The following GNG12 variants were observed in gnomAD, a reference collection of about 807,000 sequenced individuals.
GNG12 encodes the protein guanine nucleotide-binding protein G(I)/G(S)/G(O) subunit gamma-12.
For synonymous variants in GNG12, 28 were observed against 29.7 expected (o/e 0.94, Z 0.19); for missense variants, 69 against 83.8 (o/e 0.82, Z 0.69).
chr1:67,821,032 T>A (rs1049916113), intron 1 of GNG12, among the ~76,000 whole-genome samples: 3 of 152,224 alleles, frequency 2.0e-5, no homozygotes, highest in African/African-American at 7.2e-5. Context: ...GTAGCTGTTT[T>A]ATTCCTAAGC....
intron 1 of GNG12, among the ~76,000 whole-genome samples, chr1:67,812,209 G>A (rs1646930021): frequency 6.6e-6 from 1 of 152,172 alleles, no homozygotes; most frequent in East Asian, 1.9e-4. Context: ...CTCTGGCAAT[G>A]AGGATCTGCT....
chr1:67,781,659 C>T (rs983282700), intron 1 of GNG12, among the ~76,000 whole-genome samples: 2 of 151,950 alleles, frequency 1.3e-5, no homozygotes, highest in African/African-American at 2.4e-5. Context: ...AAATGGTGAC[C>T]AAGTATGAGG....
At chr1:67,810,189 TCTGA>T (rs371917629) in intron 1 of GNG12, among the ~76,000 whole-genome samples, 15 of 152,346 alleles carry the variant, frequency 9.8e-5, no homozygotes, top group African/African-American at 3.6e-4. Context: ...ACTATATGAT[TCTGA>T]CTATTTGACA....
At chr1:67,717,132 A>G (rs1379065929) in intron 2 of GNG12, among the ~76,000 whole-genome samples, 1 of 152,154 alleles carries the variant, frequency 6.6e-6, no homozygotes, top group Non-Finnish European at 1.5e-5. Flanking sequence ...AGGTCCTCTG[A>G]AGAAATGGCT....
intron 1 of GNG12, among the ~76,000 whole-genome samples, chr1:67,802,840 C>T (rs140785536): frequency 6.6e-6 from 1 of 152,304 alleles, no homozygotes; most frequent in African/African-American, 2.4e-5. Flanking sequence ...TCTCTCTCTC[C>T]CTACACATGA....
rs146888036 is a variant in GNG12 at position 67,731,604 on chromosome 1, C to T, written c.-26-23892G>A. ...AGGAAAGGGCAGGCAGTTTGGTTCACCCGAAGCAGAGGCACCATGAAGATC... is the reference window on the plus strand; with the variant it reads ...AGGAAAGGGCAGGCAGTTTGGTTCATCCGAAGCAGAGGCACCATGAAGATC... On this transcript the variant is annotated intron_variant, in intron 2 of 3. Coordinates refer to ENST00000370982, the MANE Select transcript of GNG12 (RefSeq NM_018841.6). Among the ~76,000 whole-genome samples the T allele has an allele frequency of 3.3e-4, 50 of 152,290 alleles. No homozygotes were observed. The East Asian group carries it at 7.3e-3, about 22-fold the overall frequency.
chr1:67,729,466 C>T (rs754918865), intron 2 of GNG12, among the ~76,000 whole-genome samples: 4 of 152,162 alleles, frequency 2.6e-5, no homozygotes, highest in Non-Finnish European at 5.9e-5. Context: ...CTGAGACCAC[C>T]ACCTTTGCCC....
chr1:67,813,271 A>G (rs774498547), intron 1 of GNG12, among the ~76,000 whole-genome samples: 10 of 152,190 alleles, frequency 6.6e-5, no homozygotes, highest in Non-Finnish European at 1.0e-4. Flanking sequence ...TTCTCTAAAT[A>G]TTTACCAGGA....
At position 67,739,486 on chromosome 1, in the gene GNG12, C is replaced by T. The variant is rs187852520; in HGVS notation, c.-26-31774G>A. On this transcript the variant is annotated intron_variant, in intron 2 of 3. Transcript: ENST00000370982. ...AGACAGAAGACAGAGGGCAGGCTGA[C>T]ATCACACAACTGATGAAAAGTATTG... Among the ~76,000 whole-genome samples, 181 of 152,320 alleles carry T rather than the reference C, an allele frequency of 1.2e-3. 1 individual carries two copies. The highest frequency in any genetic ancestry group is 4.2e-3 in the African/African-American group (175 of 41,578).
chr1:67,801,672 GA>G, intron 1 of GNG12, among the ~76,000 whole-genome samples: 2 of 152,282 alleles, frequency 1.3e-5, no homozygotes, highest in East Asian at 3.9e-4. Context: ...CATTCTCAGT[GA>G]AAAAGCCTAA....
intron 2 of GNG12, among the ~76,000 whole-genome samples, chr1:67,724,460 G>A (rs1054785222): frequency 2.6e-5 from 4 of 152,184 alleles, no homozygotes; most frequent in African/African-American, 9.7e-5. Context: ...CGTGATCTTG[G>A]CTCACTGCAA....
In GNG12 at chr1:67,702,286, C is replaced by G. The variant is rs1426177736; in HGVS notation, c.*3165G>C. 6.6e-6 allele frequency: 1 copy of G among 152,134 alleles called. No homozygotes were observed. Among genetic ancestry groups the G allele is most frequent in the Admixed American group, 6.5e-5 (1 of 15,272 alleles). 9.4% of individuals were successfully genotyped at this position (152,134 alleles called of 1,614,324 possible). A position where few individuals can be genotyped will look rare whatever the true frequency, so the allele number is the denominator to read the frequency against. On this transcript the variant is annotated 3_prime_UTR_variant, in exon 4 of 4. Transcript: ENST00000370982. ...ACTGAGAAATGACTGGCATGTACTA[C>G]GATCATTTTGGGGGCCTATATAGAT...
At chr1:67,707,310 C>CA (rs1394798403) in intron 3 of GNG12, among the ~76,000 whole-genome samples, 1 of 152,206 alleles carries the variant, frequency 6.6e-6, no homozygotes, top group Non-Finnish European at 1.5e-5. Flanking sequence ...CACTTTAGAA[C>CA]ACAGGGATCA....
intron 2 of GNG12, among the ~76,000 whole-genome samples, chr1:67,724,047 T>C (rs1357679373): frequency 6.6e-6 from 1 of 152,080 alleles, no homozygotes; most frequent in African/African-American, 2.4e-5. Context: ...AGAGGAATAT[T>C]TAGAAAAATT....
intron 2 of GNG12, among the ~76,000 whole-genome samples, chr1:67,761,024 C>A (rs542290179): frequency 6.6e-6 from 1 of 152,298 alleles, no homozygotes; most frequent in South Asian, 2.1e-4. Flanking sequence ...GCTCCTATGC[C>A]TTTCTAGGTC....
intron 2 of GNG12, among the ~76,000 whole-genome samples, chr1:67,730,684 A>C (rs1263065594): frequency 6.6e-6 from 1 of 152,198 alleles, no homozygotes; most frequent in African/African-American, 2.4e-5. Flanking sequence ...CTGGCTGTGT[A>C]TTTCACTTAT....
intron 1 of GNG12, among the ~76,000 whole-genome samples, chr1:67,798,306 A>G (rs1057362349): frequency 5.3e-5 from 8 of 151,880 alleles, no homozygotes; most frequent in African/African-American, 1.9e-4. Flanking sequence ...TAGGTTGTAC[A>G]CTCCTTATGA....
chr1:67,778,503 A>G (rs1646719352), intron 1 of GNG12, among the ~76,000 whole-genome samples: 1 of 152,196 alleles, frequency 6.6e-6, no homozygotes, highest in African/African-American at 2.4e-5. Context: ...CCATTTCATG[A>G]TGTCATTTTA....
chr1:67,791,031 A>G (rs1360019964), intron 1 of GNG12, among the ~76,000 whole-genome samples: 2 of 152,156 alleles, frequency 1.3e-5, no homozygotes, highest in Non-Finnish European at 2.9e-5. Flanking sequence ...TTTATATCTA[A>G]TTTTCTAAAA....
Sources: gnomAD v4.1 joint callset for allele counts (sites outside exome capture counted in the v4.1 genomes callset) on GRCh38, gnomAD v4.1.1 for gene constraint, MANE v1.5 for transcripts, NCBI Gene and HGNC (gene_info 2026-07-23, HGNC 2026-07-21) for gene names.